Variants in ARHGAP6 observed in about 807,000 individuals in gnomAD.
ARHGAP6 encodes rho GTPase-activating protein 6.
In ARHGAP6, 16 loss-of-function variants were observed where a neutral mutation model predicts 55.7. The ratio of observed to expected loss-of-function variants is 0.29; its 90% CI spans 0.19 to 0.44. The LOEUF is 0.44. ARHGAP6 is among the 20% of genes least tolerant of loss of function. The pLI, the probability that ARHGAP6 is intolerant of heterozygous loss-of-function variation, is 1.00. For missense variants in ARHGAP6, 698 were observed against 808.9 expected, an observed-to-expected ratio of 0.86 and a Z score of 1.66; for synonymous variants, 382 against 360.9, an observed-to-expected ratio of 1.06 and a Z score of -0.66.
intron 1 of ARHGAP6, among the ~76,000 whole-genome samples, chrX:11,530,273 A>G (rs1433018325): frequency 1.8e-5 from 2 of 112,261 alleles, no homozygotes; most frequent in Admixed American, 1.9e-4. Flanking sequence ...TGCTACAGAT[A>G]CAACATTGAA....
At chrX:11,419,017 C>A (rs1449711352) in intron 1 of ARHGAP6, among the ~76,000 whole-genome samples, 1 of 112,412 alleles carries the variant, frequency 8.9e-6, no homozygotes, top group African/African-American at 3.2e-5. Flanking sequence ...ATTGGCTGGG[C>A]TTGGGCCCAG....
intron 10 of ARHGAP6, among the ~76,000 whole-genome samples, chrX:11,152,977 G>C (rs1024588643): frequency 8.9e-5 from 10 of 112,003 alleles, no homozygotes; most frequent in African/African-American, 2.9e-4. Flanking sequence ...TGGTGAGTCT[G>C]ACAGCCAGTG....
At chrX:11,200,537 G>A (rs1385973972) in intron 2 of ARHGAP6, among the ~76,000 whole-genome samples, 5 of 112,541 alleles carry the variant, frequency 4.4e-5, no homozygotes, top group Middle Eastern at 4.6e-3. Context: ...CAGGACGGTC[G>A]AAAACAAGAA....
Position 11,664,766 on chromosome X carries a change from C to A in ARHGAP6, c.63G>T (p.Ala21=). ...FSCSSPASSS[A]ASAKGFSKRK... ...TCTTGGAGAAGCCCTTGGCCGAGGC[C>A]GCGCTACTTGAAGCGGGCGAGGAAC... is the stretch of plus-strand genomic sequence containing the variant. Residue 21 remains alanine, a synonymous_variant, in exon 1 of 13, where the codon GCG becomes GCT. Coordinates refer to ENST00000337414, the MANE Select transcript of ARHGAP6 (RefSeq NM_013427.3). The A allele has an allele frequency of 8.3e-7, 1 of 1,202,494 alleles. No homozygotes were observed. Among genetic ancestry groups the A allele is most frequent in the Non-Finnish European group, 1.1e-6 (1 of 892,530 alleles).
chrX:11,292,009 A>T (rs755871234), intron 1 of ARHGAP6, among the ~76,000 whole-genome samples: 1 of 111,620 alleles, frequency 9.0e-6, no homozygotes, highest in East Asian at 2.8e-4. Context: ...TAATAAATAG[A>T]CTTCCATTTC....
chrX:11,322,478 C>T (rs778425218), intron 1 of ARHGAP6, among the ~76,000 whole-genome samples: 2 of 111,500 alleles, frequency 1.8e-5, no homozygotes, highest in South Asian at 3.8e-4. Context: ...CCTGCCTCAG[C>T]CTCCCAAGTA....
intron 1 of ARHGAP6, among the ~76,000 whole-genome samples, chrX:11,400,450 A>C (rs1448228734): frequency 2.7e-5 from 3 of 110,097 alleles, no homozygotes; most frequent in Non-Finnish European, 5.7e-5. Flanking sequence ...GTCATGAAAA[A>C]AAAAAGAACC....
chrX:11,478,489 T>C (rs1394221920), intron 1 of ARHGAP6, among the ~76,000 whole-genome samples: 2 of 112,017 alleles, frequency 1.8e-5, no homozygotes, highest in Admixed American at 9.5e-5. Context: ...CACTAATCTA[T>C]GTGGATAGAA....
At chrX:11,211,414 T>TAG (rs1454752185) in intron 2 of ARHGAP6, among the ~76,000 whole-genome samples, 1 of 108,820 alleles carries the variant, frequency 9.2e-6, no homozygotes, top group Non-Finnish European at 1.9e-5. Context: ...GTATTTTTAG[T>TAG]AGAGACGGGG....
chrX:11,409,315 T>C (rs947502513), intron 1 of ARHGAP6, among the ~76,000 whole-genome samples: 2 of 111,462 alleles, frequency 1.8e-5, no homozygotes, highest in African/African-American at 6.5e-5. Context: ...CTGCAAGAAA[T>C]GGGGTGGGGG....
At position 11,298,296 on chromosome X, in the gene ARHGAP6, C is replaced by T. The variant is rs768435519; in HGVS notation, c.589-43589G>A. The stretch of plus-strand genomic sequence containing the variant: ...GCCACCGGTATGTAGACATTTTGTT[C>T]CTTATTCCCTGAAAATATTAGGCAT... On this transcript the variant is annotated intron_variant, in intron 1 of 12. Transcript: ENST00000337414. 5 of 1,204,171 alleles carry T rather than the reference C, an allele frequency of 4.2e-6. No individual in the cohort carries two copies. The Admixed American group carries it at 1.1e-4, about 26-fold the overall frequency.
In ARHGAP6 at chrX:11,454,818, G is replaced by A. The variant is rs73500867; in HGVS notation, c.589-200111C>T. The stretch of plus-strand genomic sequence containing the variant: ...GGATGAGACGGATCTCATGTCATAG[G>A]ACATGTATGGTGTAAAATATTTGTT... On this transcript the variant is annotated intron_variant, in intron 1 of 12. Coordinates refer to ENST00000337414, the MANE Select transcript of ARHGAP6 (RefSeq NM_013427.3). 6.2e-3 allele frequency among the ~76,000 whole-genome samples: 701 copies of A among 112,520 alleles called. 5 individuals are homozygous for A. Among genetic ancestry groups the A allele is most frequent in the African/African-American group, 0.021 (660 of 30,986 alleles).
At chrX:11,182,188 G>A (rs1206022097) in intron 5 of ARHGAP6, 70 bp from the exon 6 acceptor site, 2 of 940,994 alleles carry the variant, frequency 2.1e-6, no homozygotes, top group South Asian at 2.1e-5. Flanking sequence ...TCAAAATACA[G>A]AGCAGAATGC....
chrX:11,626,192 T>C (rs1039559984), intron 1 of ARHGAP6, among the ~76,000 whole-genome samples: 17 of 111,878 alleles, frequency 1.5e-4, no homozygotes, highest in African/African-American at 5.5e-4. Context: ...AATATGAATG[T>C]AATATAATAA....
In ARHGAP6 at chrX:11,596,462, T is replaced by C. The variant is rs375850214; in HGVS notation, c.588+67779A>G. 2.3e-4 allele frequency among the ~76,000 whole-genome samples: 25 copies of C among 110,849 alleles called. No individual in the cohort carries two copies. In the South Asian group the frequency reaches 9.4e-3, roughly 42 times the overall value. On this transcript the variant is annotated intron_variant, in intron 1 of 12. Coordinates refer to ENST00000337414, the MANE Select transcript of ARHGAP6 (RefSeq NM_013427.3). The stretch of plus-strand genomic sequence containing the variant: ...AGGGGAGGGATAACATTAGGAGAAA[T>C]ACCTAATGTAGGTGACGGGTTGATG...
At chrX:11,621,084 C>T (rs745947311) in intron 1 of ARHGAP6, among the ~76,000 whole-genome samples, 4 of 110,871 alleles carry the variant, frequency 3.6e-5, no homozygotes, top group African/African-American at 1.3e-4. Flanking sequence ...CTGGGGACCC[C>T]GGTGGACATC....
At chrX:11,595,950 A>G (rs2051896954) in intron 1 of ARHGAP6, among the ~76,000 whole-genome samples, 1 of 112,281 alleles carries the variant, frequency 8.9e-6, no homozygotes, top group Non-Finnish European at 1.9e-5. Flanking sequence ...GTGGAGAAAT[A>G]GGGACACTTT....
intron 1 of ARHGAP6, among the ~76,000 whole-genome samples, chrX:11,502,634 C>A (rs1467816358): frequency 8.9e-6 from 1 of 111,958 alleles, no homozygotes; most frequent in Non-Finnish European, 1.9e-5. Flanking sequence ...GCCCACTCAA[C>A]AAGAAGACAT....
rs369509243 is a variant in ARHGAP6, at chrX:11,138,844, G to T, written c.*19C>A. On this transcript the variant is annotated 3_prime_UTR_variant, in exon 13 of 13. Coordinates refer to ENST00000337414, the MANE Select transcript of ARHGAP6 (RefSeq NM_013427.3). Reference sequence around the variant, plus strand: ...AGGGCGGGGGGCTCGGGGCAGGGGGGGCTCGGCTGGGTGCGGGCTCAGACC... The same window carrying T: ...AGGGCGGGGGGCTCGGGGCAGGGGGTGCTCGGCTGGGTGCGGGCTCAGACC... The T allele has an allele frequency of 3.6e-5, 42 of 1,165,484 alleles. No homozygotes were observed. Among genetic ancestry groups the T allele is most frequent in the Admixed American group, 2.4e-4 (10 of 41,143 alleles).
Sources: allele counts gnomAD v4.1 joint callset (sites outside exome capture counted in the v4.1 genomes callset), GRCh38; gene constraint gnomAD v4.1.1; transcripts MANE v1.5; gene names NCBI Gene and HGNC (gene_info 2026-07-23, HGNC 2026-07-21).